Variants in SPATS2 observed in about 807,000 individuals in gnomAD.
SPATS2 encodes spermatogenesis-associated serine-rich protein 2.
Under a neutral mutation model 63.7 loss-of-function variants are expected in SPATS2, and 38 were observed. The ratio of observed to expected loss-of-function variants is 0.60; its 90% CI spans 0.46 to 0.78. The LOEUF is 0.78. SPATS2 is among the 30% of genes least tolerant of loss of function. The pLI, the probability that SPATS2 is intolerant of heterozygous loss-of-function variation, is 0.00. For synonymous variants in SPATS2, 207 were observed against 232.9 expected (o/e 0.89, Z 1.01); for missense variants, 588 against 666.2 (o/e 0.88, Z 1.29).
At chr12:49,459,398 G>C (rs1945778139) in intron 2 of SPATS2, among the ~76,000 whole-genome samples, 1 of 151,808 alleles carries the variant, frequency 6.6e-6, no homozygotes, top group Admixed American at 6.6e-5. Context: ...GCCCAGGCTG[G>C]AGTGCAATGG....
chr12:49,436,510 CT>C, intron 2 of SPATS2, among the ~76,000 whole-genome samples: 1 of 130,622 alleles, frequency 7.7e-6, no homozygotes, highest in Non-Finnish European at 1.7e-5. Flanking sequence ...GACGGGGCGG[CT>C]GGCCGGGCGG....
chr12:49,422,718 G>T (rs542519897), intron 2 of SPATS2, among the ~76,000 whole-genome samples: 1 of 151,990 alleles, frequency 6.6e-6, no homozygotes, highest in Admixed American at 6.6e-5. Flanking sequence ...ATCAGCCTGC[G>T]CAAGGCAACA....
chr12:49,513,092 G>C (rs144745405), intron 9 of SPATS2, among the ~76,000 whole-genome samples: 1 of 152,314 alleles, frequency 6.6e-6, no homozygotes, highest in East Asian at 1.9e-4. Context: ...TTTGCTCCTT[G>C]AGGAAATGAC....
At position 49,525,925 on chromosome 12, in the gene SPATS2, T is replaced by G. The variant is rs192791228; in HGVS notation, c.1327-19T>G. 4.3e-4 allele frequency: 688 copies of G among 1,608,040 alleles called. 5 individuals carry two copies. Among genetic ancestry groups the G allele is most frequent in the Non-Finnish European group, 5.3e-5 (62 of 1,176,482 alleles). On this transcript the variant is annotated intron_variant, in intron 13 of 13. Transcript: ENST00000552918. Reference sequence around the variant, plus strand: ...CATAATGCTAGAGCACCTTGAACATTGTATTCTTTCATCTTTAGGTATTGC... The same window carrying G: ...CATAATGCTAGAGCACCTTGAACATGGTATTCTTTCATCTTTAGGTATTGC...
intron 7 of SPATS2, among the ~76,000 whole-genome samples, chr12:49,496,411 C>T (rs1352954496): frequency 6.6e-6 from 1 of 152,198 alleles, no homozygotes; most frequent in Non-Finnish European, 1.5e-5. Flanking sequence ...CTATGCCTGG[C>T]CCCTAAAGCT....
chr12:49,417,969 C>T (rs1239980587), intron 2 of SPATS2, among the ~76,000 whole-genome samples: 1 of 152,170 alleles, frequency 6.6e-6, no homozygotes, highest in Non-Finnish European at 1.5e-5. Context: ...CAACCTCCAC[C>T]TCCCGGCTTA....
chr12:49,512,750 C>A, intron 9 of SPATS2: 1 of 573,880 alleles, frequency 1.7e-6, no homozygotes, highest in Non-Finnish European at 2.7e-6. Context: ...GATTTGTCAT[C>A]TGATGGACAC....
At chr12:49,441,057 A>C (rs1443737960) in intron 2 of SPATS2, among the ~76,000 whole-genome samples, 1 of 152,218 alleles carries the variant, frequency 6.6e-6, no homozygotes, top group African/African-American at 2.4e-5. Context: ...ACAACTGCTT[A>C]GATGGTGTTT....
chr12:49,370,352 A>T (rs184464456), intron 1 of SPATS2, among the ~76,000 whole-genome samples: 117 of 152,352 alleles, frequency 7.7e-4, no homozygotes, highest in Admixed American at 3.5e-3. Flanking sequence ...TCATGTGTGT[A>T]ACTGATTATT....
chr12:49,461,714 A>G (rs1007565126), intron 3 of SPATS2, among the ~76,000 whole-genome samples: 7 of 152,198 alleles, frequency 4.6e-5, no homozygotes, highest in Admixed American at 6.5e-5. Context: ...ATTCAAAGCA[A>G]AGCTATTCAT....
chr12:49,461,791 A>G (rs1338789325), intron 3 of SPATS2, among the ~76,000 whole-genome samples: 1 of 152,234 alleles, frequency 6.6e-6, no homozygotes, highest in Non-Finnish European at 1.5e-5. Context: ...TTGATAATTC[A>G]AAAACCTTAT....
Position 49,525,961 on chromosome 12 carries a change from A to T in SPATS2, c.1344A>T (p.Arg448Ser), listed in dbSNP as rs1392335892. 9.3e-6 allele frequency: 15 copies of T among 1,614,078 alleles called. No individual in the cohort carries two copies. Among genetic ancestry groups the T allele is most frequent in the Non-Finnish European group, 1.3e-5 (15 of 1,179,932 alleles). The change falls in exon 14 of 14, where the codon AGA becomes AGT. Residue 448 changes from arginine (R) to serine (S), a missense_variant. Coordinates refer to ENST00000552918, the MANE Select transcript of SPATS2 (RefSeq NM_023071.4). ...ATCTTTAGGTATTGCCAGGGAACAG[A>T]CGAGGAGGACAGGGCTATAGGCCAC... ...QPLREVLPGNRRGGQGYRPQG... is the reference protein window; with the variant it reads ...QPLREVLPGNSRGGQGYRPQG...
At chr12:49,485,067 CTTT>C (rs1172351346) in intron 4 of SPATS2, among the ~76,000 whole-genome samples, 7 of 138,130 alleles carry the variant, frequency 5.1e-5, no homozygotes, top group Non-Finnish European at 3.2e-5. Flanking sequence ...AGAAATAGGT[CTTT>C]TTTTTTTTTT....
At chr12:49,457,088 A>G (rs1408713290) in intron 2 of SPATS2, among the ~76,000 whole-genome samples, 1 of 151,492 alleles carries the variant, frequency 6.6e-6, no homozygotes, top group Non-Finnish European at 1.5e-5. Context: ...CATTTATTTT[A>G]TAGCTTTTTT....
chr12:49,393,557 G>C (rs1033074893), intron 2 of SPATS2, among the ~76,000 whole-genome samples: 1 of 152,092 alleles, frequency 6.6e-6, no homozygotes, highest in Non-Finnish European at 1.5e-5. Flanking sequence ...AAATGACTTA[G>C]TGCCCCACTA....
chr12:49,392,597 C>T (rs1159292218), intron 2 of SPATS2, among the ~76,000 whole-genome samples: 3 of 151,340 alleles, frequency 2.0e-5, no homozygotes, highest in Non-Finnish European at 2.9e-5. Context: ...CCTGTAGTCC[C>T]AGCTACTCAG....
At chr12:49,423,089 G>C (rs1458140790) in intron 2 of SPATS2, among the ~76,000 whole-genome samples, 1 of 151,422 alleles carries the variant, frequency 6.6e-6, no homozygotes, top group Non-Finnish European at 1.5e-5. Flanking sequence ...TCCCTATTTG[G>C]GGGAAAACCC....
intron 7 of SPATS2, 91 bp from the exon 8 acceptor site, chr12:49,496,742 C>G (rs1338146871): frequency 2.2e-6 from 3 of 1,364,670 alleles, no homozygotes; most frequent in South Asian, 2.7e-5. Context: ...GGTTTTGCCT[C>G]AAACATTTTT....
Position 49,524,908 on chromosome 12 carries a change from T to G in SPATS2, c.1326+12T>G. On this transcript the variant is annotated intron_variant, in intron 13 of 13. Transcript: ENST00000552918. ...AGCCACTTCGGGAGGTAACCTAGCTTCTACACTGAGCATGTTAGGAAGAAA... is the reference window on the plus strand; with the variant it reads ...AGCCACTTCGGGAGGTAACCTAGCTGCTACACTGAGCATGTTAGGAAGAAA... 6.2e-7 allele frequency: 1 copy of G among 1,612,086 alleles called. No individual in the cohort carries two copies. Among genetic ancestry groups the G allele is most frequent in the Non-Finnish European group, 8.5e-7 (1 of 1,179,412 alleles).
Sources: allele counts gnomAD v4.1 joint callset (sites outside exome capture counted in the v4.1 genomes callset), GRCh38; gene constraint gnomAD v4.1.1; transcripts MANE v1.5; gene names NCBI Gene and HGNC (gene_info 2026-07-23, HGNC 2026-07-21).